Variants in NUDT3 observed in about 807,000 individuals in gnomAD.
NUDT3 encodes the protein diphosphoinositol polyphosphate phosphohydrolase 1.
Under a neutral mutation model 23.6 loss-of-function variants are expected in NUDT3, and 9 were observed. The ratio of observed to expected loss-of-function variants is 0.38; its 90% CI spans 0.23 to 0.66. NUDT3 has a LOEUF of 0.66. Ranked by LOEUF, NUDT3 falls within the 30% of genes least tolerant of loss-of-function variation. NUDT3 has a pLI of 0.52. For synonymous variants in NUDT3, 86 were observed against 82.6 expected (o/e 1.04, Z -0.22); for missense variants, 172 against 218.5 (o/e 0.79, Z 1.34).
At chr6:34,325,209 T>C (rs10484268) in intron 2 of NUDT3, among the ~76,000 whole-genome samples, 14,654 of 152,210 alleles carry the variant, frequency 0.096, 808 homozygotes, top group Non-Finnish European at 0.12. Context: ...TTTCACTGAT[T>C]ACTTTATATA....
At chr6:34,300,193 C>T (rs1251245595) in intron 2 of NUDT3, among the ~76,000 whole-genome samples, 2 of 152,154 alleles carry the variant, frequency 1.3e-5, no homozygotes, top group Non-Finnish European at 2.9e-5. Flanking sequence ...GGTAGAGGCA[C>T]TAATGTGGGT....
chr6:34,290,953 C>A (rs1026219719), intron 4 of NUDT3, among the ~76,000 whole-genome samples: 5 of 151,404 alleles, frequency 3.3e-5, no homozygotes, highest in African/African-American at 9.7e-5. Flanking sequence ...CACAACCACA[C>A]CCAGCTAATT....
At chr6:34,320,497 C>T (rs1763924522) in intron 2 of NUDT3, among the ~76,000 whole-genome samples, 1 of 152,100 alleles carries the variant, frequency 6.6e-6, no homozygotes, top group African/African-American at 2.4e-5. Flanking sequence ...GCTGGGATTA[C>T]AGGCGTGAGC....
chr6:34,371,260 A>G (rs577331601), intron 1 of NUDT3, among the ~76,000 whole-genome samples: 1 of 152,086 alleles, frequency 6.6e-6, no homozygotes, highest in African/African-American at 2.4e-5. Context: ...CAAGAGGTCA[A>G]GAGATCGAGA....
chr6:34,357,678 C>T (rs189245242), intron 1 of NUDT3, among the ~76,000 whole-genome samples: 3 of 151,646 alleles, frequency 2.0e-5, no homozygotes, highest in East Asian at 1.9e-4. Context: ...TTTATACTTT[C>T]GTATATTTTA....
chr6:34,374,364 A>G lies in NUDT3; in HGVS notation c.99+17900T>C, dbSNP rs556854986. 3.3e-5 allele frequency among the ~76,000 whole-genome samples: 5 copies of G among 152,250 alleles called. No homozygotes were observed. In the South Asian group the frequency reaches 1.0e-3, roughly 32 times the overall value. On this transcript the variant is annotated intron_variant, in intron 1 of 4. Coordinates refer to ENST00000607016, the MANE Select transcript of NUDT3 (RefSeq NM_006703.4). Reference sequence around the variant, plus strand: ...TCTATGTTTACTTCCAGGTTCACAAATGTAAAGATTCTATAACTTCAGGTC... The same window carrying G: ...TCTATGTTTACTTCCAGGTTCACAAGTGTAAAGATTCTATAACTTCAGGTC...
chr6:34,351,216 A>AAAAAAC (rs1764467319), intron 1 of NUDT3, among the ~76,000 whole-genome samples: 2 of 130,732 alleles, frequency 1.5e-5, no homozygotes, highest in African/African-American at 3.4e-5. Context: ...AAAAAAAAAA[A>AAAAAAC]AAAAAAAAAA....
At chr6:34,343,768 T>C (rs766517244) in intron 1 of NUDT3, among the ~76,000 whole-genome samples, 1 of 152,178 alleles carries the variant, frequency 6.6e-6, no homozygotes, top group Non-Finnish European at 1.5e-5. Flanking sequence ...TAAAAACTTC[T>C]GTGTAACAAA....
intron 1 of NUDT3, among the ~76,000 whole-genome samples, chr6:34,360,296 G>A (rs1330168974): frequency 6.7e-6 from 1 of 148,434 alleles, no homozygotes; most frequent in Non-Finnish European, 1.5e-5. Context: ...AACAAACGCC[G>A]GGCACAGTGG....
At chr6:34,347,789 T>C (rs184217338) in intron 1 of NUDT3, among the ~76,000 whole-genome samples, 1 of 152,128 alleles carries the variant, frequency 6.6e-6, no homozygotes, top group Admixed American at 6.6e-5. Context: ...AGAGTAATTA[T>C]ACGGAGTGAG....
chr6:34,378,371 A>G (rs1764960387), intron 1 of NUDT3, among the ~76,000 whole-genome samples: 1 of 152,132 alleles, frequency 6.6e-6, no homozygotes, highest in African/African-American at 2.4e-5. Flanking sequence ...CACACACAAA[A>G]AAACTTCTGA....
In NUDT3 at chr6:34,280,691, T is replaced by G. The variant is rs1039352989; in HGVS notation, c.*8062A>C. On this transcript the variant is annotated 3_prime_UTR_variant, in exon 5 of 5. Coordinates refer to ENST00000607016, the MANE Select transcript of NUDT3 (RefSeq NM_006703.4). ...GCTCTCATCCTGCAACCCAAGAGAT[T>G]AGGTGACCTAATGATGAGAAGGCTA... The G allele has an allele frequency of 6.6e-6, 1 of 152,246 alleles. No homozygotes were observed. The highest frequency in any genetic ancestry group is 1.5e-5 in the Non-Finnish European group (1 of 68,048). The allele number at this position is 152,246 out of a possible 1,614,324, so 9.4% of individuals were successfully genotyped here.
intron 1 of NUDT3, among the ~76,000 whole-genome samples, chr6:34,378,856 C>T (rs1409446960): frequency 1.3e-5 from 2 of 152,208 alleles, no homozygotes; most frequent in Non-Finnish European, 2.9e-5. Context: ...ATCAATCATT[C>T]AATACACTCC....
intron 2 of NUDT3, among the ~76,000 whole-genome samples, chr6:34,323,862 A>G (rs78187990): frequency 0.1 from 15,611 of 152,300 alleles, 877 homozygotes; most frequent in Non-Finnish European, 0.12. Flanking sequence ...TGAAAAGTTC[A>G]GAAAAATAAT....
intron 1 of NUDT3, among the ~76,000 whole-genome samples, chr6:34,377,769 G>A (rs1421379553): frequency 6.6e-6 from 1 of 150,872 alleles, no homozygotes; most frequent in East Asian, 2.0e-4. Context: ...GGAGGCAGAG[G>A]TGGCAGTGAG....
rs143925600 is a variant in NUDT3 at position 34,304,139 on chromosome 6, G to C, written c.211-8454C>G. Among the ~76,000 whole-genome samples the C allele has an allele frequency of 6.3e-3, 954 of 151,610 alleles. 11 individuals carry two copies. Among genetic ancestry groups the C allele is most frequent in the African/African-American group, 0.022 (902 of 41,270 alleles). On this transcript the variant is annotated intron_variant, in intron 2 of 4. Coordinates refer to ENST00000607016, the MANE Select transcript of NUDT3 (RefSeq NM_006703.4). ...GTCGTGGCGCATGCCTGTAATCCCA[G>C]CTACTCGGGAGGCTGAAGGAGGAGA...
chr6:34,360,024 T>C (rs573078077), intron 1 of NUDT3, among the ~76,000 whole-genome samples: 1 of 151,090 alleles, frequency 6.6e-6, no homozygotes, highest in Non-Finnish European at 1.5e-5. Flanking sequence ...AGTCCAGGAG[T>C]TGGAGACCAG....
chr6:34,306,198 A>C (rs549990349), intron 2 of NUDT3, among the ~76,000 whole-genome samples: 24 of 152,256 alleles, frequency 1.6e-4, no homozygotes, highest in Non-Finnish European at 3.1e-4. Context: ...AACTCTGATA[A>C]TTTTTACTTT....
At chr6:34,325,700 T>C (rs1213288798) in intron 2 of NUDT3, among the ~76,000 whole-genome samples, 2 of 152,158 alleles carry the variant, frequency 1.3e-5, no homozygotes, top group Non-Finnish European at 2.9e-5. Context: ...AAGAATAAAT[T>C]ATCAGAATAA....
Sources: allele counts gnomAD v4.1 joint callset (sites outside exome capture counted in the v4.1 genomes callset), GRCh38; gene constraint gnomAD v4.1.1; transcripts MANE v1.5; gene names NCBI Gene and HGNC (gene_info 2026-07-23, HGNC 2026-07-21).